ITIH5: variants seen among roughly 807,000 people sequenced by gnomAD.
ITIH5 encodes inter-alpha-trypsin inhibitor heavy chain H5.
In ITIH5, 65 loss-of-function variants were observed where a neutral mutation model predicts 77.5. The ratio of observed to expected loss-of-function variants is 0.84; its 90% CI spans 0.69 to 1.03. The LOEUF is 1.03. Among genes scored for constraint, ITIH5 ranks in the 50% least tolerant of loss-of-function variants. The pLI is 0.00. For missense variants in ITIH5, 1,208 were observed against 1,213.1 expected (o/e 1.00, Z 0.06); for synonymous variants, 525 against 494.3 (o/e 1.06, Z -0.82).
chr10:7,596,558 C>T (rs1469865589), intron 7 of ITIH5, among the ~76,000 whole-genome samples: 1 of 152,148 alleles, frequency 6.6e-6, no homozygotes, highest in Non-Finnish European at 1.5e-5. Context: ...ACAGATGAAT[C>T]CAAGTTCAAG....
At chr10:7,651,311 C>T (rs542842741) in intron 2 of ITIH5, among the ~76,000 whole-genome samples, 1 of 152,060 alleles carries the variant, frequency 6.6e-6, no homozygotes, top group East Asian at 1.9e-4. Context: ...CGGCTGGGCA[C>T]GGTGGCTCAC....
intron 7 of ITIH5, among the ~76,000 whole-genome samples, chr10:7,610,677 T>A (rs1458366655): frequency 1.3e-5 from 2 of 152,200 alleles, no homozygotes; most frequent in African/African-American, 4.8e-5. Flanking sequence ...TATACAAGAC[T>A]CTTCAAAGAG....
intron 2 of ITIH5, among the ~76,000 whole-genome samples, chr10:7,654,956 CAA>C (rs200434708): frequency 3.2e-5 from 4 of 125,948 alleles, no homozygotes; most frequent in Admixed American, 1.5e-4. Context: ...GAAAACCAAG[CAA>C]AAAAAAAATT....
Position 7,640,975 on chromosome 10 carries a change from G to T in ITIH5, c.300-120C>A, listed in dbSNP as rs554958995. 16 of 765,438 alleles carry T rather than the reference G, an allele frequency of 2.1e-5. No homozygotes were observed. In the South Asian group the frequency reaches 2.3e-4, roughly 11 times the overall value. The allele number at this position is 765,438 out of a possible 1,614,324, so 47.4% of individuals were successfully genotyped here. ...TATTTGCCTTTTGGATGTGTAGAAA[G>T]AATGCATTCCAGACTAGGGCACTAC... On this transcript the variant is annotated intron_variant, in intron 3 of 13. Transcript: ENST00000397146.
At chr10:7,659,926 T>C (rs1834249031) in intron 1 of ITIH5, among the ~76,000 whole-genome samples, 1 of 152,174 alleles carries the variant, frequency 6.6e-6, no homozygotes, top group Non-Finnish European at 1.5e-5. Flanking sequence ...CCGGTGCCTT[T>C]TAAGAAACGA....
Position 7,615,414 on chromosome 10 carries a change from T to A in ITIH5, c.939+568A>T, listed in dbSNP as rs114855712. On this transcript the variant is annotated intron_variant, in intron 7 of 13. Transcript: ENST00000397146. ...CGTATATGAAAGATTCTGACATTTATGATAGCAGAATAAGATAAGAAAGTC... is the reference window on the plus strand; with the variant it reads ...CGTATATGAAAGATTCTGACATTTAAGATAGCAGAATAAGATAAGAAAGTC... 5.4e-3 allele frequency among the ~76,000 whole-genome samples: 816 copies of A among 152,336 alleles called. 7 individuals are homozygous for A. Among genetic ancestry groups the A allele is most frequent in the African/African-American group, 0.019 (782 of 41,570 alleles).
At chr10:7,640,113 T>C (rs906790686) in intron 4 of ITIH5, among the ~76,000 whole-genome samples, 1 of 125,818 alleles carries the variant, frequency 7.9e-6, no homozygotes, top group Non-Finnish European at 1.6e-5. Context: ...TTTTGAAGTA[T>C]GACTATCACA....
intron 5 of ITIH5, among the ~76,000 whole-genome samples, chr10:7,628,276 C>A (rs1833619453): frequency 6.6e-6 from 1 of 152,242 alleles, no homozygotes. Context: ...CAGCCACTTT[C>A]CATTTCTCCC....
At chr10:7,581,745 A>T (rs74316854) in intron 8 of ITIH5, among the ~76,000 whole-genome samples, 1,119 of 41,868 alleles carry the variant, frequency 0.027, 52 homozygotes, top group Admixed American at 0.21. Flanking sequence ...TTTTTTTTTT[A>T]GAGACAGGGT....
chr10:7,581,310 G>A (rs950715004), intron 8 of ITIH5, among the ~76,000 whole-genome samples: 42 of 152,082 alleles, frequency 2.8e-4, no homozygotes, highest in African/African-American at 9.9e-4. Context: ...AAATAAAGTT[G>A]GGGGCGAAAG....
chr10:7,603,167 G>C (rs1362038860), intron 7 of ITIH5, among the ~76,000 whole-genome samples: 2 of 152,242 alleles, frequency 1.3e-5, no homozygotes, highest in East Asian at 3.9e-4. Flanking sequence ...CAGAATCTCT[G>C]CTAAAAAACG....
In ITIH5 at chr10:7,629,998, G is replaced by C. The variant is rs140424100; in HGVS notation, c.652+7230C>G. ...GGGGGCTACGGAGCTGTACTTTTGG[G>C]TGTGATATTCTATACATGTATATTA... On this transcript the variant is annotated intron_variant, in intron 5 of 13. Coordinates refer to ENST00000397146, the MANE Select transcript of ITIH5 (RefSeq NM_030569.7). Among the ~76,000 whole-genome samples the C allele has an allele frequency of 6.0e-4, 92 of 152,260 alleles. No homozygotes were observed. The East Asian group carries it at 0.012, about 19-fold the overall frequency.
chr10:7,651,444 G>T (rs937721884), intron 2 of ITIH5, among the ~76,000 whole-genome samples: 4 of 151,942 alleles, frequency 2.6e-5, no homozygotes, highest in African/African-American at 9.7e-5. Flanking sequence ...TTAGCCGAGC[G>T]CGATGATGCA....
Position 7,560,918 on chromosome 10 carries a change from C to G in ITIH5, c.*2165G>C, listed in dbSNP as rs1832028992. 1 of 151,956 alleles carries G rather than the reference C, an allele frequency of 6.6e-6. No homozygotes were observed. Among genetic ancestry groups the G allele is most frequent in the Non-Finnish European group, 1.5e-5 (1 of 68,024 alleles). The allele number at this position is 151,956 out of a possible 1,614,324, so 9.4% of individuals were successfully genotyped here. A position where few individuals can be genotyped will look rare whatever the true frequency, so the allele number is the denominator to read the frequency against. On this transcript the variant is annotated 3_prime_UTR_variant, in exon 14 of 14. Coordinates refer to ENST00000397146, the MANE Select transcript of ITIH5 (RefSeq NM_030569.7). ...AACCACTCCACGGCACTCTCTGCCT[C>G]AGTTTCCCTATCTGGGAAGATTTTC...
chr10:7,585,492 T>C (rs1352411180), intron 8 of ITIH5, among the ~76,000 whole-genome samples: 1 of 152,138 alleles, frequency 6.6e-6, no homozygotes, highest in East Asian at 1.9e-4. Context: ...GGGCTCCTTG[T>C]TTTGCAAAGC....
At chr10:7,631,657 A>G (rs1833714553) in intron 5 of ITIH5, among the ~76,000 whole-genome samples, 1 of 152,178 alleles carries the variant, frequency 6.6e-6, no homozygotes, top group African/African-American at 2.4e-5. Context: ...CACCAACCAC[A>G]TAATTCTACA....
chr10:7,573,251 G>C (rs1384489515), intron 10 of ITIH5, 56 bp from the exon 11 acceptor site: 2 of 1,461,070 alleles, frequency 1.4e-6, no homozygotes, highest in Non-Finnish European at 1.9e-6. Flanking sequence ...GATGAAGAGA[G>C]AGGTGCAAAG....
At chr10:7,652,940 C>T (rs1400412921) in intron 2 of ITIH5, among the ~76,000 whole-genome samples, 1 of 151,510 alleles carries the variant, frequency 6.6e-6, no homozygotes, top group East Asian at 1.9e-4. Flanking sequence ...GAATGGCTAA[C>T]AAATATAATT....
chr10:7,613,173 G>C (rs1202343704), intron 7 of ITIH5, among the ~76,000 whole-genome samples: 1 of 151,446 alleles, frequency 6.6e-6, no homozygotes, highest in African/African-American at 2.4e-5. Context: ...TTGAACCCAG[G>C]AGGCAGAGGC....
Sources: gnomAD v4.1 joint callset for allele counts (sites outside exome capture counted in the v4.1 genomes callset) on GRCh38, gnomAD v4.1.1 for gene constraint, MANE v1.5 for transcripts, NCBI Gene and HGNC (gene_info 2026-07-23, HGNC 2026-07-21) for gene names.